The following CNTNAP2 variants were observed in gnomAD, a reference collection of about 807,000 sequenced individuals.
CNTNAP2 encodes contactin-associated protein-like 2.
CNTNAP2 carries 98 observed loss-of-function variants against 155.2 expected under a neutral mutation model. That is an observed-to-expected ratio of 0.63 (90% CI 0.54 to 0.75). The LOEUF is 0.75. Ranked by LOEUF, CNTNAP2 falls within the 30% of genes least tolerant of loss-of-function variation. CNTNAP2 has a pLI of 0.00. For missense variants in CNTNAP2, 1,727 were observed against 1,688.1 expected (o/e 1.02, Z -0.40); for synonymous variants, 651 against 631.2 (o/e 1.03, Z -0.47).
At chr7:147,515,961 A>G (rs1799119107) in intron 11 of CNTNAP2, among the ~76,000 whole-genome samples, 1 of 148,894 alleles carries the variant, frequency 6.7e-6, no homozygotes, top group South Asian at 2.1e-4. Context: ...CTGATACTGA[A>G]ATGAAAGGTA....
intron 11 of CNTNAP2, among the ~76,000 whole-genome samples, chr7:147,529,168 G>T (rs1325056234): frequency 6.6e-6 from 1 of 152,180 alleles, no homozygotes; most frequent in Admixed American, 6.5e-5. Context: ...CATGAAAAAT[G>T]ACACTGGACA....
At chr7:148,352,280 G>C (rs183640464) in intron 21 of CNTNAP2, among the ~76,000 whole-genome samples, 1 of 152,186 alleles carries the variant, frequency 6.6e-6, no homozygotes, top group Non-Finnish European at 1.5e-5. Context: ...GGAAATGGAA[G>C]ATCATTTAGG....
intron 9 of CNTNAP2, among the ~76,000 whole-genome samples, chr7:147,346,737 TTTTA>T (rs1277863245): frequency 6.6e-6 from 1 of 152,176 alleles, no homozygotes; most frequent in Non-Finnish European, 1.5e-5. Context: ...TGTTTCTTCT[TTTTA>T]TTTATTTATT....
At chr7:148,002,416 C>T (rs1053693545) in intron 15 of CNTNAP2, among the ~76,000 whole-genome samples, 23 of 152,080 alleles carry the variant, frequency 1.5e-4, no homozygotes, top group Admixed American at 5.9e-4. Flanking sequence ...AAAAAAAATG[C>T]GCACTTTTAT....
intron 14 of CNTNAP2, among the ~76,000 whole-genome samples, chr7:147,953,184 G>A (rs1202406294): frequency 1.4e-4 from 21 of 152,190 alleles, no homozygotes; most frequent in Non-Finnish European, 2.1e-4. Context: ...GGAAGCATCA[G>A]TTGTGCTAAG....
chr7:147,944,666 T>A (rs1800788746), intron 14 of CNTNAP2, among the ~76,000 whole-genome samples: 1 of 152,256 alleles, frequency 6.6e-6, no homozygotes, highest in Non-Finnish European at 1.5e-5. Flanking sequence ...GCCATTGTTT[T>A]AAATGTGCTT....
At position 146,886,811 on chromosome 7, in the gene CNTNAP2, C is replaced by T. The variant is rs149457878; in HGVS notation, c.402+46907C>T. Among the ~76,000 whole-genome samples, 34 of 150,358 alleles carry T rather than the reference C, an allele frequency of 2.3e-4. No homozygotes were observed. The East Asian group carries it at 6.4e-3, about 29-fold the overall frequency. Reference sequence around the variant, plus strand: ...ATGTCATGAGTGAATTCTCTTTATGCGTGAACACGAAATGGATTTTTCTGT... The same window carrying T: ...ATGTCATGAGTGAATTCTCTTTATGTGTGAACACGAAATGGATTTTTCTGT... On this transcript the variant is annotated intron_variant, in intron 3 of 23. Transcript: ENST00000361727.
intron 13 of CNTNAP2, among the ~76,000 whole-genome samples, chr7:147,899,097 T>G (rs1030021084): frequency 6.6e-6 from 1 of 152,136 alleles, no homozygotes; most frequent in South Asian, 2.1e-4. Context: ...CCCAGCACTT[T>G]GAGAGGCAGA....
intron 16 of CNTNAP2, among the ~76,000 whole-genome samples, chr7:148,129,910 G>T (rs992234033): frequency 3.9e-5 from 6 of 152,298 alleles, no homozygotes; most frequent in East Asian, 1.9e-4. Flanking sequence ...AAGGATGATG[G>T]GGGGAGGGAT....
chr7:146,782,722 A>G (rs533077854), intron 2 of CNTNAP2, among the ~76,000 whole-genome samples: 1 of 152,180 alleles, frequency 6.6e-6, no homozygotes, highest in African/African-American at 2.4e-5. Context: ...AAATAAAATC[A>G]GTTATACTGT....
chr7:148,160,641 A>G (rs1805513026), intron 17 of CNTNAP2, among the ~76,000 whole-genome samples: 1 of 152,138 alleles, frequency 6.6e-6, no homozygotes, highest in African/African-American at 2.4e-5. Flanking sequence ...TATTTTTTCC[A>G]TCTATGTTCT....
intron 1 of CNTNAP2, among the ~76,000 whole-genome samples, chr7:146,642,403 G>A (rs1258587300): frequency 4.8e-5 from 7 of 147,282 alleles, no homozygotes; most frequent in African/African-American, 7.5e-5. Flanking sequence ...GTGAGAATAT[G>A]CAGTGTTTGG....
intron 7 of CNTNAP2, among the ~76,000 whole-genome samples, chr7:147,130,532 A>C (rs2129284808): frequency 6.6e-6 from 1 of 152,292 alleles, no homozygotes; most frequent in Middle Eastern, 3.4e-3. Context: ...ATTTTATTTT[A>C]ACAAATAATT....
At chr7:147,281,541 CTCATGAATATGTTCT>C (rs1191488874) in intron 8 of CNTNAP2, among the ~76,000 whole-genome samples, 1 of 151,406 alleles carries the variant, frequency 6.6e-6, no homozygotes, top group Non-Finnish European at 1.5e-5. Flanking sequence ...AACTACAATC[CTCATGAATATGTTCT>C]TCATGAATAT....
chr7:146,422,598 A>T (rs1335265917), intron 1 of CNTNAP2, among the ~76,000 whole-genome samples: 1 of 152,006 alleles, frequency 6.6e-6, no homozygotes, highest in Non-Finnish European at 1.5e-5. Flanking sequence ...AGCACACAAC[A>T]CAAAATATCC....
intron 3 of CNTNAP2, among the ~76,000 whole-genome samples, chr7:146,876,804 T>A (rs539316897): frequency 6.6e-6 from 1 of 152,310 alleles, no homozygotes; most frequent in African/African-American, 2.4e-5. Flanking sequence ...ACATTATATG[T>A]GTTTTTCACT....
intron 10 of CNTNAP2, among the ~76,000 whole-genome samples, chr7:147,479,958 G>T (rs1798392855): frequency 6.6e-6 from 1 of 151,932 alleles, no homozygotes; most frequent in Non-Finnish European, 1.5e-5. Flanking sequence ...TAAATAGAAG[G>T]CAGGATAAAA....
chr7:146,780,746 A>G (rs1156403036), intron 2 of CNTNAP2, among the ~76,000 whole-genome samples: 2 of 152,092 alleles, frequency 1.3e-5, no homozygotes, highest in Non-Finnish European at 2.9e-5. Flanking sequence ...GCTGGAAGCC[A>G]TCATTCTCAG....
chr7:147,784,494 AATATATATAT>A (rs10528525), intron 13 of CNTNAP2, among the ~76,000 whole-genome samples: 515 of 44,808 alleles, frequency 0.011, 3 homozygotes, highest in South Asian at 0.022. Context: ...GCTCTGGACT[AATATATATAT>A]ATATATATAT....
Sources: allele counts gnomAD v4.1 joint callset (sites outside exome capture counted in the v4.1 genomes callset), GRCh38; gene constraint gnomAD v4.1.1; transcripts MANE v1.5; gene names NCBI Gene and HGNC (gene_info 2026-07-23, HGNC 2026-07-21).